Variants in PARD3 observed in about 807,000 individuals in gnomAD.
PARD3 encodes partitioning defective 3 homolog.
PARD3 carries 75 observed loss-of-function variants against 155.4 expected under a neutral mutation model. The observed-to-expected ratio is 0.48, with a 90% confidence interval of 0.40 to 0.58. The LOEUF (loss-of-function observed/expected upper bound fraction) is 0.58. PARD3 is among the 20% of genes least tolerant of loss of function. The pLI is 0.00. For missense variants in PARD3, 1,642 were observed against 1,721.7 expected, an observed-to-expected ratio of 0.95 and a Z score of 0.82; for synonymous variants, 576 against 610.5, an observed-to-expected ratio of 0.94 and a Z score of 0.83.
intron 22 of PARD3, among the ~76,000 whole-genome samples, chr10:34,253,525 G>T (rs1267122410): frequency 2.6e-5 from 4 of 152,160 alleles, no homozygotes; most frequent in African/African-American, 9.7e-5. Flanking sequence ...AAGCCATCTG[G>T]TTGCTACCTT....
intron 22 of PARD3, among the ~76,000 whole-genome samples, chr10:34,186,425 T>C (rs1950499664): frequency 6.7e-6 from 1 of 149,996 alleles, no homozygotes; most frequent in Non-Finnish European, 1.5e-5. Flanking sequence ...TCCCAAACAC[T>C]GGGATTTTCA....
At position 34,787,591 on chromosome 10, in the gene PARD3, AC is replaced by A. The variant is rs1841131186; in HGVS notation, c.120+27284del. Reference sequence around the variant, plus strand: ...AGCACAAACAATGCTGCAGAGAGGTACTCAGCATTTTTATATCTCGTTAAAG... The same window carrying A: ...AGCACAAACAATGCTGCAGAGAGGTATCAGCATTTTTATATCTCGTTAAAG... On this transcript the variant is annotated intron_variant, in intron 1 of 24. Coordinates refer to ENST00000374788, the MANE Select transcript of PARD3 (RefSeq NM_001184785.2). Among the ~76,000 whole-genome samples, 3 of 152,138 alleles carry A rather than the reference AC, an allele frequency of 2.0e-5. No homozygotes were observed. In the South Asian group the frequency reaches 6.2e-4, roughly 31 times the overall value.
chr10:34,616,089 C>T (rs548077772), intron 2 of PARD3, among the ~76,000 whole-genome samples: 4 of 152,198 alleles, frequency 2.6e-5, no homozygotes, highest in South Asian at 4.2e-4. Context: ...GAGGCAGAGG[C>T]GGGTGGATCA....
At chr10:34,117,696 G>A (rs1240641656) in intron 24 of PARD3, among the ~76,000 whole-genome samples, 1 of 152,182 alleles carries the variant, frequency 6.6e-6, no homozygotes. Flanking sequence ...CAGATCACTT[G>A]AGGCCAGGGG....
chr10:34,737,733 C>A (rs2094941091), intron 1 of PARD3, among the ~76,000 whole-genome samples: 2 of 152,194 alleles, frequency 1.3e-5, no homozygotes, highest in South Asian at 4.1e-4. Context: ...CTAGTTTGGA[C>A]TTCCCAGCCT....
intron 5 of PARD3, among the ~76,000 whole-genome samples, chr10:34,421,553 A>G (rs1041203781): frequency 6.6e-6 from 1 of 152,064 alleles, no homozygotes; most frequent in Non-Finnish European, 1.5e-5. Context: ...CCGGTCTGTT[A>G]AAGTGAAAAT....
chr10:34,230,591 AG>A (rs1287222968), intron 22 of PARD3, among the ~76,000 whole-genome samples: 3 of 152,118 alleles, frequency 2.0e-5, no homozygotes, highest in Non-Finnish European at 2.9e-5. Context: ...CTGAATACTG[AG>A]GATGTCTTGT....
intron 7 of PARD3, among the ~76,000 whole-genome samples, chr10:34,395,790 T>C (rs1456870312): frequency 6.9e-5 from 2 of 28,796 alleles, no homozygotes; most frequent in Non-Finnish European, 1.0e-4. Flanking sequence ...TGAGCCGAGA[T>C]TGCGCCACTG....
intron 14 of PARD3, among the ~76,000 whole-genome samples, chr10:34,349,420 G>T (rs1388702077): frequency 6.6e-6 from 1 of 151,804 alleles, no homozygotes; most frequent in African/African-American, 2.4e-5. Flanking sequence ...TTTAAATTGT[G>T]AAACGAGGAT....
intron 12 of PARD3, among the ~76,000 whole-genome samples, chr10:34,365,176 A>C (rs1839843405): frequency 6.6e-6 from 1 of 152,156 alleles, no homozygotes; most frequent in Non-Finnish European, 1.5e-5. Flanking sequence ...TGGCCTACAA[A>C]AATAGTTGTG....
chr10:34,691,540 T>C (rs1401124925), intron 2 of PARD3, among the ~76,000 whole-genome samples: 9 of 152,236 alleles, frequency 5.9e-5, no homozygotes. Context: ...ACAGATTCAA[T>C]GCTACCCCTA....
chr10:34,350,833 G>T (rs1176269155), intron 14 of PARD3, among the ~76,000 whole-genome samples: 1 of 151,980 alleles, frequency 6.6e-6, no homozygotes, highest in Non-Finnish European at 1.5e-5. Flanking sequence ...ACCTATTAAA[G>T]AACAAAAATA....
intron 1 of PARD3, among the ~76,000 whole-genome samples, chr10:34,731,332 T>C (rs2094813015): frequency 6.6e-6 from 1 of 152,206 alleles, no homozygotes; most frequent in African/African-American, 2.4e-5. Flanking sequence ...TGGAGAGCTG[T>C]TCACTACCTC....
rs142196907 is a variant in PARD3 at position 34,172,095 on chromosome 10, T to C, written c.3420-40512A>G. Among the ~76,000 whole-genome samples the C allele has an allele frequency of 8.4e-3, 1,277 of 152,162 alleles. 9 individuals are homozygous for C. The highest frequency in any genetic ancestry group is 0.011 in the Non-Finnish European group (743 of 67,998). On this transcript the variant is annotated intron_variant, in intron 22 of 24. Transcript: ENST00000374788. ...TTGTGAAAGATTTACTAAAAAGAGA[T>C]TTTTTTGGACAGGCAATTGCTGTTG...
At chr10:34,408,559 G>T (rs1383212259) in intron 5 of PARD3, among the ~76,000 whole-genome samples, 1 of 152,110 alleles carries the variant, frequency 6.6e-6, no homozygotes, top group Non-Finnish European at 1.5e-5. Flanking sequence ...TCACAAATAG[G>T]ATTGCAGAAG....
At chr10:34,744,717 T>G (rs1835088275) in intron 1 of PARD3, among the ~76,000 whole-genome samples, 1 of 152,208 alleles carries the variant, frequency 6.6e-6, no homozygotes, top group Non-Finnish European at 1.5e-5. Flanking sequence ...AAAATCTCAG[T>G]AGTCAAGAGA....
chr10:34,210,847 T>C (rs1404813226), intron 22 of PARD3, among the ~76,000 whole-genome samples: 1 of 152,174 alleles, frequency 6.6e-6, no homozygotes, highest in Non-Finnish European at 1.5e-5. Flanking sequence ...ACTTGACTTT[T>C]CAACACAGTG....
At chr10:34,747,552 A>G (rs897589171) in intron 1 of PARD3, among the ~76,000 whole-genome samples, 3 of 152,206 alleles carry the variant, frequency 2.0e-5, no homozygotes. Context: ...AAAAATGAAA[A>G]GTTTTCATTT....
intron 1 of PARD3, among the ~76,000 whole-genome samples, chr10:34,701,236 C>A (rs987349644): frequency 6.6e-6 from 1 of 151,782 alleles, no homozygotes; most frequent in African/African-American, 2.4e-5. Flanking sequence ...GCTGTGAACA[C>A]AAAGATAAAA....
Sources: allele counts gnomAD v4.1 joint callset (sites outside exome capture counted in the v4.1 genomes callset), GRCh38; gene constraint gnomAD v4.1.1; transcripts MANE v1.5; gene names NCBI Gene and HGNC (gene_info 2026-07-23, HGNC 2026-07-21).